The following GPC6 variants were observed in gnomAD, a reference collection of about 807,000 sequenced individuals.
The protein encoded by GPC6 is glypican-6.
A neutral mutation model predicts 55.2 loss-of-function variants in GPC6; 14 were observed. The observed-to-expected ratio is 0.25, with a 90% CI of 0.17 to 0.40. The LOEUF (loss-of-function observed/expected upper bound fraction) is 0.40, where lower values mean the gene tolerates loss of function less well. GPC6 is among the 10% of genes least tolerant of loss of function. The pLI, the probability that GPC6 is intolerant of heterozygous loss-of-function variation, is 1.00. For missense variants in GPC6, 641 were observed against 708.5 expected (o/e 0.90, Z 1.08); for synonymous variants, 278 against 259.6 (o/e 1.07, Z -0.68).
chr13:93,654,048 C>T (rs892925783), intron 2 of GPC6, among the ~76,000 whole-genome samples: 1 of 152,062 alleles, frequency 6.6e-6, no homozygotes, highest in African/African-American at 2.4e-5. Flanking sequence ...GTTGTTTTAG[C>T]TCATATATTC....
At chr13:93,951,970 C>A (rs956534364) in intron 3 of GPC6, among the ~76,000 whole-genome samples, 18 of 152,120 alleles carry the variant, frequency 1.2e-4, no homozygotes, top group African/African-American at 4.1e-4. Flanking sequence ...GAAATACATT[C>A]TTTCATACAA....
At chr13:93,396,948 A>G (rs1316810302) in intron 1 of GPC6, among the ~76,000 whole-genome samples, 2 of 152,170 alleles carry the variant, frequency 1.3e-5, no homozygotes, top group East Asian at 3.9e-4. Flanking sequence ...ATTTAAGGGT[A>G]TAACAAAGCA....
chr13:93,847,211 A>T (rs74831228), intron 3 of GPC6, among the ~76,000 whole-genome samples: 48 of 152,218 alleles, frequency 3.2e-4, no homozygotes, highest in African/African-American at 1.1e-3. Context: ...TCATGGATGA[A>T]CTACTCTGTG....
chr13:94,096,400 A>AC (rs1327241757), intron 4 of GPC6, among the ~76,000 whole-genome samples: 1 of 152,012 alleles, frequency 6.6e-6, no homozygotes, highest in African/African-American at 2.4e-5. Flanking sequence ...TCATACACAT[A>AC]CCTTTTAATG....
At chr13:94,136,186 C>CT (rs11321467) in intron 4 of GPC6, among the ~76,000 whole-genome samples, 257 of 138,920 alleles carry the variant, frequency 1.8e-3, no homozygotes, top group Middle Eastern at 3.9e-3. Flanking sequence ...AGTTTAGCAT[C>CT]TTTTTTTTTT....
chr13:93,360,148 A>T (rs1880993231), intron 1 of GPC6, among the ~76,000 whole-genome samples: 1 of 151,620 alleles, frequency 6.6e-6, no homozygotes, highest in Non-Finnish European at 1.5e-5. Flanking sequence ...TCAAAACAGG[A>T]TAAAGAGTGT....
chr13:93,316,021 TCTC>T (rs1879235669), intron 1 of GPC6, among the ~76,000 whole-genome samples: 1 of 152,086 alleles, frequency 6.6e-6, no homozygotes, highest in Non-Finnish European at 1.5e-5. Flanking sequence ...ACAGGGGTGT[TCTC>T]CTGTATATAC....
chr13:93,719,893 T>G (rs950823143), intron 2 of GPC6, among the ~76,000 whole-genome samples: 1 of 152,182 alleles, frequency 6.6e-6, no homozygotes, highest in African/African-American at 2.4e-5. Flanking sequence ...ATTTATTGAT[T>G]TGCATATGTT....
intron 4 of GPC6, among the ~76,000 whole-genome samples, chr13:94,277,622 G>A (rs1892254525): frequency 1.3e-5 from 2 of 152,148 alleles, no homozygotes; most frequent in Admixed American, 1.3e-4. Context: ...GTGTAAGGAA[G>A]GGGTCCAGTT....
intron 2 of GPC6, among the ~76,000 whole-genome samples, chr13:93,665,691 A>G (rs1208757965): frequency 6.6e-6 from 1 of 152,224 alleles, no homozygotes; most frequent in Non-Finnish European, 1.5e-5. Context: ...AGAGTGGGAC[A>G]GAAGAGATAA....
intron 5 of GPC6, among the ~76,000 whole-genome samples, chr13:94,292,042 A>G (rs1875007694): frequency 6.6e-6 from 1 of 152,186 alleles, no homozygotes; most frequent in Non-Finnish European, 1.5e-5. Context: ...ACTCGTATTT[A>G]TTGAGTGCTT....
intron 3 of GPC6, among the ~76,000 whole-genome samples, chr13:94,020,945 T>A (rs1235565195): frequency 6.6e-6 from 1 of 152,134 alleles, no homozygotes; most frequent in Non-Finnish European, 1.5e-5. Flanking sequence ...TGTAATTTAA[T>A]CATTCTTTAG....
At chr13:93,321,719 A>G (rs1053148995) in intron 1 of GPC6, among the ~76,000 whole-genome samples, 2 of 152,214 alleles carry the variant, frequency 1.3e-5, no homozygotes, top group Admixed American at 1.3e-4. Context: ...ACACTCATCT[A>G]ATAAATAAAA....
At chr13:94,262,384 G>C (rs992526527) in intron 4 of GPC6, among the ~76,000 whole-genome samples, 4 of 152,052 alleles carry the variant, frequency 2.6e-5, no homozygotes, top group African/African-American at 9.7e-5. Context: ...TGAATCACTG[G>C]TCCAGGGGCC....
intron 1 of GPC6, among the ~76,000 whole-genome samples, chr13:93,480,325 A>G (rs1879469679): frequency 6.6e-6 from 1 of 152,174 alleles, no homozygotes; most frequent in South Asian, 2.1e-4. Context: ...TAAATAAAAA[A>G]ATTTAGTTAT....
At chr13:94,262,147 C>T (rs1463426988) in intron 4 of GPC6, among the ~76,000 whole-genome samples, 3 of 152,006 alleles carry the variant, frequency 2.0e-5, no homozygotes, top group Non-Finnish European at 4.4e-5. Flanking sequence ...TGTTTCAGCA[C>T]AGAGCTGGGC....
intron 6 of GPC6, among the ~76,000 whole-genome samples, chr13:94,378,929 G>T (rs190651660): frequency 1.6e-4 from 24 of 152,150 alleles, no homozygotes; most frequent in African/African-American, 5.8e-4. Flanking sequence ...CCAAGTCCTT[G>T]TTCCCATCTG....
At chr13:94,395,929 G>A (rs1050314680) in intron 7 of GPC6, among the ~76,000 whole-genome samples, 2 of 152,182 alleles carry the variant, frequency 1.3e-5, no homozygotes, top group Admixed American at 1.3e-4. Context: ...GGGCTCCCTT[G>A]CCCACCAGCT....
chr13:94,077,180 G>T (rs192862197), intron 4 of GPC6, among the ~76,000 whole-genome samples: 44 of 151,856 alleles, frequency 2.9e-4, no homozygotes, highest in Admixed American at 2.0e-3. Flanking sequence ...GCAGTTCTCA[G>T]TGTACAAGGT....
Sources: allele counts gnomAD v4.1 joint callset (sites outside exome capture counted in the v4.1 genomes callset), GRCh38; gene constraint gnomAD v4.1.1; transcripts MANE v1.5; gene names NCBI Gene and HGNC (gene_info 2026-07-23, HGNC 2026-07-21).